Variants in GALNT13 observed in about 807,000 individuals in gnomAD.
GALNT13 encodes the protein polypeptide N-acetylgalactosaminyltransferase 13.
GALNT13 carries 28 observed loss-of-function variants against 64.2 expected under a neutral mutation model. The ratio of observed to expected loss-of-function variants is 0.44; its 90% CI spans 0.32 to 0.60. The LOEUF is 0.60. GALNT13 is among the 20% of genes least tolerant of loss of function. The probability of loss-of-function intolerance (pLI) is 0.05; values close to 1 mark genes in which losing one functional copy is unlikely to be tolerated. For missense variants in GALNT13, 577 were observed against 669.8 expected (o/e 0.86, Z 1.53); for synonymous variants, 214 against 224.6 (o/e 0.95, Z 0.42).
intron 3 of GALNT13, among the ~76,000 whole-genome samples, chr2:154,076,031 C>T (rs1700970300): frequency 6.6e-6 from 1 of 151,604 alleles, no homozygotes; most frequent in African/African-American, 2.4e-5. Context: ...ACTAAAATCT[C>T]AGAGGCATGC....
At chr2:153,500,043 C>A in the GALNT13 span, among the ~76,000 whole-genome samples, 1 of 152,160 alleles carries the variant, frequency 6.6e-6, no homozygotes, top group Non-Finnish European at 1.5e-5. Context: ...GGCATCCCCA[C>A]AGGTGGCTGC....
intron 3 of GALNT13, among the ~76,000 whole-genome samples, chr2:154,130,127 C>A (rs1682525818): frequency 6.6e-6 from 1 of 152,096 alleles, no homozygotes; most frequent in South Asian, 2.1e-4. Flanking sequence ...AATTTTTCTT[C>A]CTTTATTAAC....
chr2:153,690,020 G>T, the GALNT13 span, among the ~76,000 whole-genome samples: 2 of 151,904 alleles, frequency 1.3e-5, no homozygotes, highest in Non-Finnish European at 2.9e-5. Flanking sequence ...TTGTTAGATT[G>T]ACCTGCCTTG....
the GALNT13 span, among the ~76,000 whole-genome samples, chr2:153,751,368 T>G: frequency 6.6e-6 from 1 of 151,724 alleles, no homozygotes; most frequent in South Asian, 2.1e-4. Flanking sequence ...TGTTTTGTTT[T>G]TTTTTTCTCT....
chr2:153,680,560 A>G, the GALNT13 span, among the ~76,000 whole-genome samples: 1 of 151,874 alleles, frequency 6.6e-6, no homozygotes, highest in African/African-American at 2.4e-5. Flanking sequence ...AAACATATAT[A>G]TATCTTTAAG....
At chr2:153,665,945 A>G in the GALNT13 span, among the ~76,000 whole-genome samples, 26,381 of 152,048 alleles carry the variant, frequency 0.17, 2,835 homozygotes, top group Non-Finnish European at 0.24. Flanking sequence ...CCATCCCTCA[A>G]TGCTTGCCCT....
chr2:153,250,641 T>C, the GALNT13 span, among the ~76,000 whole-genome samples: 193 of 152,182 alleles, frequency 1.3e-3, no homozygotes, highest in African/African-American at 4.6e-3. Context: ...CAAATGCCCA[T>C]CAGTGGCAGA....
At chr2:154,100,548 T>C (rs1702293413) in intron 3 of GALNT13, among the ~76,000 whole-genome samples, 1 of 152,152 alleles carries the variant, frequency 6.6e-6, no homozygotes, top group Admixed American at 6.6e-5. Context: ...TTTTTGTATG[T>C]TGATTTTGTA....
intron 8 of GALNT13, among the ~76,000 whole-genome samples, chr2:154,263,949 C>T (rs932264540): frequency 6.6e-6 from 1 of 152,184 alleles, no homozygotes; most frequent in African/African-American, 2.4e-5. Flanking sequence ...CTTACAATTG[C>T]CTCGGCTTAC....
chr2:153,133,035 A>ATTTTT, the GALNT13 span, among the ~76,000 whole-genome samples: 2 of 129,396 alleles, frequency 1.5e-5, no homozygotes, highest in East Asian at 2.2e-4. Context: ...AACTGTGTTA[A>ATTTTT]TTTTTTTTTT....
the GALNT13 span, among the ~76,000 whole-genome samples, chr2:153,274,807 T>G: frequency 2.0e-5 from 3 of 152,368 alleles, no homozygotes; most frequent in Admixed American, 6.5e-5. Flanking sequence ...TTAACTGACT[T>G]CCACATCTTG....
chr2:154,101,754 G>T (rs944197374), intron 3 of GALNT13, among the ~76,000 whole-genome samples: 5 of 151,892 alleles, frequency 3.3e-5, no homozygotes, highest in Non-Finnish European at 5.9e-5. Context: ...TTATTAATTT[G>T]ATATCTTTCT....
At chr2:153,305,827 T>A in the GALNT13 span, among the ~76,000 whole-genome samples, 1 of 152,140 alleles carries the variant, frequency 6.6e-6, no homozygotes, top group Non-Finnish European at 1.5e-5. Context: ...ACATTTTAGG[T>A]TTCATAATGA....
At chr2:154,255,791 C>G (rs1232675919) in intron 7 of GALNT13, among the ~76,000 whole-genome samples, 1 of 152,112 alleles carries the variant, frequency 6.6e-6, no homozygotes, top group Non-Finnish European at 1.5e-5. Context: ...GTGACTAACA[C>G]CTGTAATCCC....
chr2:154,335,632 G>A (rs187993646), intron 9 of GALNT13, among the ~76,000 whole-genome samples: 130 of 151,996 alleles, frequency 8.6e-4, no homozygotes, highest in Non-Finnish European at 1.5e-3. Flanking sequence ...AAAAAACAAC[G>A]TATATACATT....
chr2:153,225,191 A>G, the GALNT13 span, among the ~76,000 whole-genome samples: 1 of 152,242 alleles, frequency 6.6e-6, no homozygotes, highest in Non-Finnish European at 1.5e-5. Flanking sequence ...AAAAATCAAT[A>G]TAATCTTGCA....
intron 3 of GALNT13, among the ~76,000 whole-genome samples, chr2:154,063,656 T>A (rs371640617): frequency 2.1e-4 from 32 of 152,352 alleles, no homozygotes; most frequent in African/African-American, 7.2e-4. Context: ...TTATCTGTAT[T>A]TTGAACTAGA....
chr2:154,148,023 T>C (rs1683727457), intron 4 of GALNT13, among the ~76,000 whole-genome samples: 1 of 152,058 alleles, frequency 6.6e-6, no homozygotes, highest in Admixed American at 6.6e-5. Flanking sequence ...ACCCATTAAT[T>C]CGTCATTTAA....
the GALNT13 span, among the ~76,000 whole-genome samples, chr2:153,457,349 A>G: frequency 6.6e-6 from 1 of 152,212 alleles, no homozygotes; most frequent in Non-Finnish European, 1.5e-5. Flanking sequence ...GTACTTAGAG[A>G]ACAGATATAG....
Sources: allele counts gnomAD v4.1 joint callset (sites outside exome capture counted in the v4.1 genomes callset), GRCh38; gene constraint gnomAD v4.1.1; transcripts MANE v1.5; gene names NCBI Gene and HGNC (gene_info 2026-07-23, HGNC 2026-07-21).